ZBTB20: variants seen among roughly 807,000 people sequenced by gnomAD.
The protein encoded by ZBTB20 is zinc finger and BTB domain containing 20.
In ZBTB20, 9 loss-of-function variants were observed where a neutral mutation model predicts 56.9. That is an observed-to-expected ratio of 0.16 (90% CI 0.10 to 0.28). ZBTB20 has a LOEUF of 0.28. Among genes scored for constraint, ZBTB20 ranks in the 10% least tolerant of loss-of-function variants. The probability of loss-of-function intolerance (pLI) is 1.00; values close to 1 mark genes in which losing one functional copy is unlikely to be tolerated. For missense variants in ZBTB20, 655 were observed against 1,003.0 expected (o/e 0.65, Z 4.69); for synonymous variants, 417 against 420.7 (o/e 0.99, Z 0.11).
intron 1 of ZBTB20, among the ~76,000 whole-genome samples, chr3:115,113,937 C>A (rs548328153): frequency 4.6e-5 from 7 of 152,132 alleles, no homozygotes; most frequent in African/African-American, 1.2e-4. Context: ...TTTTCTGAGT[C>A]ATTTCTGTTT....
chr3:114,970,243 G>C (rs774412040), intron 3 of ZBTB20, among the ~76,000 whole-genome samples: 4 of 152,126 alleles, frequency 2.6e-5, no homozygotes, highest in Non-Finnish European at 5.9e-5. Flanking sequence ...TTAGTTGTGG[G>C]TACGGGTTAG....
chr3:114,653,959 A>T (rs1311274337), intron 6 of ZBTB20, among the ~76,000 whole-genome samples: 1 of 151,922 alleles, frequency 6.6e-6, no homozygotes, highest in Admixed American at 6.6e-5. Flanking sequence ...ATATGTAATG[A>T]TAATCTCTCA....
chr3:115,117,079 C>T (rs1576803045), intron 1 of ZBTB20, among the ~76,000 whole-genome samples: 2 of 152,078 alleles, frequency 1.3e-5, no homozygotes, highest in African/African-American at 2.4e-5. Flanking sequence ...TTCTATTATA[C>T]TGTTGCAGAA....
intron 3 of ZBTB20, among the ~76,000 whole-genome samples, chr3:114,912,702 T>C (rs1157438294): frequency 1.3e-5 from 2 of 151,982 alleles, no homozygotes; most frequent in African/African-American, 2.4e-5. Context: ...ATCTTACTCC[T>C]TCTTTCTAGC....
chr3:114,794,261 T>C (rs7643582), intron 5 of ZBTB20, among the ~76,000 whole-genome samples: 19,522 of 151,912 alleles, frequency 0.13, 1,557 homozygotes, highest in African/African-American at 0.22. Flanking sequence ...ATTAGGTAAA[T>C]GGATTGTAAT....
At chr3:115,034,939 G>C (rs964770850) in intron 2 of ZBTB20, among the ~76,000 whole-genome samples, 1 of 151,924 alleles carries the variant, frequency 6.6e-6, no homozygotes, top group Non-Finnish European at 1.5e-5. Flanking sequence ...CCTTGAAAAG[G>C]GTGCTAAAAT....
chr3:114,530,620 T>C lies in ZBTB20; in HGVS notation c.-294-30229A>G, dbSNP rs2684298. Among the ~76,000 whole-genome samples, 1,003 of 152,300 alleles carry C rather than the reference T, an allele frequency of 6.6e-3. 9 individuals are homozygous for C. The highest frequency in any genetic ancestry group is 0.022 in the African/African-American group (922 of 41,560). ...GAGCTAACTTGAGAAATCTAAGAAC[T>C]AGGTAATTTAAAAGAAGTGCTTTTA... On this transcript the variant is annotated intron_variant, in intron 6 of 11. Transcript: ENST00000675478.
intron 5 of ZBTB20, among the ~76,000 whole-genome samples, chr3:114,798,298 G>A (rs538704901): frequency 6.6e-4 from 99 of 150,264 alleles, no homozygotes; most frequent in African/African-American, 2.3e-3. Context: ...TACAGGACTC[G>A]TTGCTCAACC....
intron 7 of ZBTB20, among the ~76,000 whole-genome samples, chr3:114,489,268 A>AT (rs1205844025): frequency 6.6e-6 from 1 of 152,164 alleles, no homozygotes; most frequent in Non-Finnish European, 1.5e-5. Context: ...GTCATTAGCA[A>AT]TTACTAACTA....
intron 5 of ZBTB20, among the ~76,000 whole-genome samples, chr3:114,701,143 T>C (rs774218513): frequency 1.3e-5 from 2 of 152,186 alleles, no homozygotes; most frequent in Non-Finnish European, 2.9e-5. Context: ...TATTATTTCA[T>C]AAGGTTTAAT....
intron 6 of ZBTB20, among the ~76,000 whole-genome samples, chr3:114,677,646 C>T (rs978965675): frequency 3.3e-5 from 5 of 152,104 alleles, no homozygotes; most frequent in Admixed American, 1.3e-4. Context: ...CTGGCCCAGA[C>T]AATATCACTC....
At chr3:114,687,266 T>C (rs1316875594) in intron 6 of ZBTB20, 1 of 151,844 alleles carries the variant, frequency 6.6e-6, no homozygotes, top group African/African-American at 2.4e-5. Flanking sequence ...TTACTCTCTT[T>C]CCTTTCCAGC....
chr3:114,956,977 G>A (rs1344774074), intron 3 of ZBTB20, among the ~76,000 whole-genome samples: 1 of 152,152 alleles, frequency 6.6e-6, no homozygotes, highest in African/African-American at 2.4e-5. Context: ...CTGTGAGTGA[G>A]CTGGGCTAGA....
At chr3:114,433,290 T>C (rs2090257594) in intron 7 of ZBTB20, among the ~76,000 whole-genome samples, 1 of 152,158 alleles carries the variant, frequency 6.6e-6, no homozygotes, top group Non-Finnish European at 1.5e-5. Flanking sequence ...GGTCTGAAGA[T>C]AAAGAAGTAG....
chr3:114,956,624 C>G (rs970549401), intron 3 of ZBTB20, among the ~76,000 whole-genome samples: 1 of 152,108 alleles, frequency 6.6e-6, no homozygotes, highest in African/African-American at 2.4e-5. Flanking sequence ...TCAGCAAGTA[C>G]GCATTTACAA....
chr3:114,576,468 C>A (rs533615581), intron 6 of ZBTB20, among the ~76,000 whole-genome samples: 1 of 123,298 alleles, frequency 8.1e-6, no homozygotes, highest in Non-Finnish European at 1.6e-5. Context: ...CGCCGCTGCA[C>A]TCCAGCCTGG....
chr3:115,055,010 G>C lies in ZBTB20; in HGVS notation c.-507+16209C>G, dbSNP rs574979447. Among the ~76,000 whole-genome samples, 3 of 152,208 alleles carry C rather than the reference G, an allele frequency of 2.0e-5. No individual in the cohort carries two copies. In the East Asian group the frequency reaches 5.8e-4, roughly 29 times the overall value. ...AATCAAAACTTTTATAGGAGTCCAT[G>C]CTTTCCTGACAACAGACAAACATTC... On this transcript the variant is annotated intron_variant, in intron 2 of 11. Coordinates refer to ENST00000675478, the MANE Select transcript of ZBTB20 (RefSeq NM_001348800.3).
intron 1 of ZBTB20, among the ~76,000 whole-genome samples, chr3:115,117,523 T>C (rs1156546327): frequency 6.6e-6 from 1 of 152,148 alleles, no homozygotes; most frequent in Non-Finnish European, 1.5e-5. Flanking sequence ...CTAGGTATTA[T>C]TAAAAAACAA....
At chr3:114,368,723 G>C in intron 10 of ZBTB20, among the ~76,000 whole-genome samples, 1 of 152,248 alleles carries the variant, frequency 6.6e-6, no homozygotes, top group South Asian at 2.1e-4. Flanking sequence ...TCTGGAGCAG[G>C]GCTGGAAGTG....
Sources: gnomAD v4.1 joint callset for allele counts (sites outside exome capture counted in the v4.1 genomes callset) on GRCh38, gnomAD v4.1.1 for gene constraint, MANE v1.5 for transcripts, NCBI Gene and HGNC (gene_info 2026-07-23, HGNC 2026-07-21) for gene names.